Variants in MCTP1 observed in about 807,000 individuals in gnomAD.
MCTP1 encodes multiple C2 and transmembrane domain-containing protein 1.
A neutral mutation model predicts 120.6 loss-of-function variants in MCTP1; 69 were observed. That is an observed-to-expected ratio of 0.57 (90% CI 0.47 to 0.70). The LOEUF is 0.70. MCTP1 is among the 30% of genes least tolerant of loss of function. The probability of loss-of-function intolerance (pLI) is 0.00; values close to 1 mark genes in which losing one functional copy is unlikely to be tolerated. For synonymous variants in MCTP1, 529 were observed against 493.1 expected, an observed-to-expected ratio of 1.07 and a Z score of -0.96; for missense variants, 1,203 against 1,248.8, an observed-to-expected ratio of 0.96 and a Z score of 0.55.
intron 1 of MCTP1, among the ~76,000 whole-genome samples, chr5:95,155,606 C>T (rs1025719935): frequency 6.6e-6 from 1 of 151,792 alleles, no homozygotes; most frequent in South Asian, 2.1e-4. Context: ...TAAAGAGTTA[C>T]AATCCAGTTT....
chr5:94,821,276 C>T lies in MCTP1; in HGVS notation c.2437-22144G>A, dbSNP rs371533500. 4.3e-4 allele frequency among the ~76,000 whole-genome samples: 65 copies of T among 152,232 alleles called. 1 individual carries two copies. Among genetic ancestry groups the T allele is most frequent in the African/African-American group, 1.0e-3 (42 of 41,540 alleles). ...AAAGGCTCTTGAATAAGAGCTTTTG[C>T]GGTCTTAGTACTGGAAATAGTTGGG... is the stretch of plus-strand genomic sequence containing the variant. On this transcript the variant is annotated intron_variant, in intron 17 of 22. Transcript: ENST00000515393.
intron 1 of MCTP1, among the ~76,000 whole-genome samples, chr5:95,208,439 C>T (rs998767449): frequency 6.6e-6 from 1 of 152,130 alleles, no homozygotes; most frequent in Non-Finnish European, 1.5e-5. Context: ...AAAGTCAATA[C>T]AGATATTGTA....
chr5:95,144,344 A>G (rs143957258), intron 1 of MCTP1, among the ~76,000 whole-genome samples: 1 of 152,248 alleles, frequency 6.6e-6, no homozygotes, highest in East Asian at 1.9e-4. Flanking sequence ...ATTTTCTTCC[A>G]TTCCATAGGC....
At chr5:94,870,275 AAAGCG>A (rs1797586744) in intron 16 of MCTP1, 137 bp downstream of exon 16, 34 of 586,128 alleles carry the variant, frequency 5.8e-5, no homozygotes, top group Middle Eastern at 9.0e-4. Flanking sequence ...AGAATGAAAG[AAAGCG>A]CCATTTTCAA....
Position 94,819,791 on chromosome 5 carries a change from T to C in MCTP1, c.2437-20659A>G, listed in dbSNP as rs527679976. ...GGATTGTAGGCACAATATTTTACCA[T>C]TGACTCCTGCAGCTTTTAGGAAAAT... On this transcript the variant is annotated intron_variant, in intron 17 of 22. Coordinates refer to ENST00000515393, the MANE Select transcript of MCTP1 (RefSeq NM_024717.7). Among the ~76,000 whole-genome samples the C allele has an allele frequency of 2.0e-5, 3 of 152,356 alleles. No individual in the cohort carries two copies. The South Asian group carries it at 6.2e-4, about 32-fold the overall frequency.
intron 18 of MCTP1, 57 bp downstream of exon 18, chr5:94,798,956 T>C: frequency 6.4e-7 from 1 of 1,564,710 alleles, no homozygotes; most frequent in East Asian, 2.3e-5. Context: ...GTTGATCTTG[T>C]CAGAGGGACT....
At chr5:95,195,892 C>T (rs890664172) in intron 1 of MCTP1, among the ~76,000 whole-genome samples, 3 of 152,106 alleles carry the variant, frequency 2.0e-5, no homozygotes, top group Non-Finnish European at 2.9e-5. Flanking sequence ...TGTAAATGTT[C>T]TCCAAGACTT....
intron 2 of MCTP1, among the ~76,000 whole-genome samples, chr5:94,974,266 G>T (rs1311628379): frequency 1.3e-5 from 2 of 152,094 alleles, no homozygotes; most frequent in African/African-American, 4.8e-5. Context: ...TACATAAATA[G>T]AACAAGCACA....
chr5:95,245,996 A>G lies in MCTP1; in HGVS notation c.720+37860T>C, dbSNP rs1340059694. Among the ~76,000 whole-genome samples, 4 of 148,440 alleles carry G rather than the reference A, an allele frequency of 2.7e-5. No homozygotes were observed. The East Asian group carries it at 5.9e-4, about 22-fold the overall frequency. On this transcript the variant is annotated intron_variant, in intron 1 of 22. Transcript: ENST00000515393. ...CAGCGGATCTCTCGGCAGAAACCCT[A>G]CAAGCCAGAAGAGTGGGAGCCAATA...
chr5:94,756,995 G>A (rs1277233382), intron 19 of MCTP1, among the ~76,000 whole-genome samples: 1 of 152,094 alleles, frequency 6.6e-6, no homozygotes, highest in Non-Finnish European at 1.5e-5. Context: ...GGGCTTTGGA[G>A]TCTATATAGA....
At chr5:95,220,613 A>G (rs564834798) in intron 1 of MCTP1, among the ~76,000 whole-genome samples, 7 of 152,314 alleles carry the variant, frequency 4.6e-5, no homozygotes, top group African/African-American at 1.4e-4. Flanking sequence ...CTCACCTCTC[A>G]TATTATGACA....
At chr5:94,965,272 G>C (rs985816074) in intron 2 of MCTP1, among the ~76,000 whole-genome samples, 6 of 152,164 alleles carry the variant, frequency 3.9e-5, no homozygotes, top group African/African-American at 1.4e-4. Context: ...GCTGGTGCTA[G>C]AGTGGGCCTG....
chr5:95,130,355 C>A (rs1178635388), intron 1 of MCTP1, among the ~76,000 whole-genome samples: 1 of 152,144 alleles, frequency 6.6e-6, no homozygotes, highest in South Asian at 2.1e-4. Context: ...ATAAGCAAAG[C>A]ACTGGTGCTT....
intron 2 of MCTP1, among the ~76,000 whole-genome samples, chr5:94,977,024 A>G (rs1321824991): frequency 3.9e-5 from 6 of 152,152 alleles, no homozygotes; most frequent in African/African-American, 1.4e-4. Context: ...TGAAAAGGAG[A>G]AGTAAAATTG....
intron 1 of MCTP1, among the ~76,000 whole-genome samples, chr5:95,193,525 A>AT (rs1750051801): frequency 6.6e-6 from 1 of 152,140 alleles, no homozygotes. Context: ...GAATTTAAAT[A>AT]TTTTTCAGGC....
intron 1 of MCTP1, among the ~76,000 whole-genome samples, chr5:95,099,635 A>G (rs113738320): frequency 0.85 from 121,379 of 142,472 alleles, 52,274 homozygotes; most frequent in Non-Finnish European, 0.92. Context: ...AGGTGCTGGA[A>G]AGGATGTGGA....
chr5:95,276,884 G>A (rs1178812), intron 1 of MCTP1, among the ~76,000 whole-genome samples: 1 of 151,916 alleles, frequency 6.6e-6, no homozygotes, highest in Non-Finnish European at 1.5e-5. Flanking sequence ...CCCAGGAGGC[G>A]GAGCTTGCAG....
chr5:94,877,390 A>G (rs904323425), intron 12 of MCTP1, among the ~76,000 whole-genome samples: 2 of 151,980 alleles, frequency 1.3e-5, no homozygotes, highest in African/African-American at 4.8e-5. Context: ...ATTTTTTCCT[A>G]TGGATCTTTG....
chr5:95,033,404 G>T (rs1182344246), intron 1 of MCTP1, among the ~76,000 whole-genome samples: 1 of 152,034 alleles, frequency 6.6e-6, no homozygotes, highest in Non-Finnish European at 1.5e-5. Context: ...TTATTTCTGG[G>T]ATGCAAAGAT....
Sources: allele counts gnomAD v4.1 joint callset (sites outside exome capture counted in the v4.1 genomes callset), GRCh38; gene constraint gnomAD v4.1.1; transcripts MANE v1.5; gene names NCBI Gene and HGNC (gene_info 2026-07-23, HGNC 2026-07-21).